Variants in LRCH1 observed in about 807,000 individuals in gnomAD.
The protein encoded by LRCH1 is leucine rich repeats and calponin homology domain containing 1.
In LRCH1, 23 loss-of-function variants were observed where a neutral mutation model predicts 94.9. The ratio of observed to expected loss-of-function variants is 0.24; its 90% CI spans 0.17 to 0.34. The LOEUF is 0.34. LRCH1 is among the 10% of genes least tolerant of loss of function. The pLI, the probability that LRCH1 is intolerant of heterozygous loss-of-function variation, is 1.00. For synonymous variants in LRCH1, 364 were observed against 354.9 expected (o/e 1.03, Z -0.29); for missense variants, 790 against 945.9 (o/e 0.84, Z 2.16).
chr13:46,685,327 A>G (rs1430223376), intron 4 of LRCH1, among the ~76,000 whole-genome samples: 1 of 152,244 alleles, frequency 6.6e-6, no homozygotes, highest in Non-Finnish European at 1.5e-5. Flanking sequence ...GTGGAGCTAC[A>G]GAAGACTTTT....
At chr13:46,578,172 C>A (rs751013434) in intron 1 of LRCH1, among the ~76,000 whole-genome samples, 2 of 152,176 alleles carry the variant, frequency 1.3e-5, no homozygotes, top group African/African-American at 4.8e-5. Context: ...CTCCTGGCTG[C>A]GGTTAGCTTT....
chr13:46,597,403 C>T (rs2137974438), intron 1 of LRCH1, among the ~76,000 whole-genome samples: 1 of 152,002 alleles, frequency 6.6e-6, no homozygotes, highest in East Asian at 1.9e-4. Context: ...GTCGCCCAGG[C>T]TGGAGTGCAG....
intron 1 of LRCH1, among the ~76,000 whole-genome samples, chr13:46,602,966 A>ACACG (rs2050644939): frequency 4.0e-5 from 2 of 49,434 alleles, no homozygotes; most frequent in Admixed American, 2.6e-4. Flanking sequence ...ATACATGCAT[A>ACACG]CATACATGCA....
At chr13:46,677,234 A>C (rs1202427143) in intron 3 of LRCH1, among the ~76,000 whole-genome samples, 1 of 140,538 alleles carries the variant, frequency 7.1e-6, no homozygotes, top group Non-Finnish European at 1.5e-5. Flanking sequence ...ACATGGTGAA[A>C]CCTCGTCTCT....
intron 1 of LRCH1, among the ~76,000 whole-genome samples, chr13:46,572,166 C>A (rs1271774771): frequency 6.6e-6 from 1 of 152,338 alleles, no homozygotes; most frequent in South Asian, 2.1e-4. Context: ...CCTACTTGTA[C>A]CCCCACTGCA....
At chr13:46,707,191 A>G (rs1252649351) in intron 13 of LRCH1, among the ~76,000 whole-genome samples, 1 of 152,130 alleles carries the variant, frequency 6.6e-6, no homozygotes, top group East Asian at 1.9e-4. Context: ...ACCTTCTTTT[A>G]TCTGGAACAT....
chr13:46,630,788 T>C (rs540405972), intron 1 of LRCH1, among the ~76,000 whole-genome samples: 68 of 152,356 alleles, frequency 4.5e-4, no homozygotes, highest in Non-Finnish European at 8.1e-4. Context: ...AAAACACCAA[T>C]TAACTGAATG....
chr13:46,615,825 A>G (rs2138012473), intron 1 of LRCH1, among the ~76,000 whole-genome samples: 1 of 152,350 alleles, frequency 6.6e-6, no homozygotes, highest in Non-Finnish European at 1.5e-5. Context: ...ATGAGTTATC[A>G]TTATGAATAG....
chr13:46,705,680 C>A, intron 13 of LRCH1: 1 of 363,900 alleles, frequency 2.7e-6, no homozygotes, highest in Non-Finnish European at 5.2e-6. Flanking sequence ...TGGGAATTGG[C>A]CAGATGGAAA....
intron 1 of LRCH1, among the ~76,000 whole-genome samples, chr13:46,591,102 G>C (rs1394045857): frequency 6.6e-6 from 1 of 151,976 alleles, no homozygotes; most frequent in Non-Finnish European, 1.5e-5. Context: ...ATTCAGATTG[G>C]CCCTATGGAC....
At chr13:46,687,104 G>A (rs549333357) in intron 5 of LRCH1, among the ~76,000 whole-genome samples, 136 of 151,758 alleles carry the variant, frequency 9.0e-4, no homozygotes, top group African/African-American at 2.7e-3. Context: ...GACTACAGGC[G>A]CCTGCCACCA....
intron 13 of LRCH1, among the ~76,000 whole-genome samples, chr13:46,710,483 T>C (rs1208911525): frequency 2.0e-5 from 3 of 152,180 alleles, no homozygotes; most frequent in Non-Finnish European, 2.9e-5. Context: ...CTGGCATCCA[T>C]GCAGGAAGAA....
chr13:46,595,352 T>C (rs144803806), intron 1 of LRCH1, among the ~76,000 whole-genome samples: 1 of 152,348 alleles, frequency 6.6e-6, no homozygotes, highest in East Asian at 1.9e-4. Flanking sequence ...TCCTCACCGC[T>C]GATGTGGCAG....
At chr13:46,585,348 C>A (rs565694385) in intron 1 of LRCH1, among the ~76,000 whole-genome samples, 1 of 152,004 alleles carries the variant, frequency 6.6e-6, no homozygotes. Flanking sequence ...GAGGCCGAGG[C>A]AGGCGGATCA....
chr13:46,587,089 A>G (rs2050443654), intron 1 of LRCH1, among the ~76,000 whole-genome samples: 1 of 152,234 alleles, frequency 6.6e-6, no homozygotes, highest in South Asian at 2.1e-4. Flanking sequence ...GACTTAATAA[A>G]TCTGGACCTT....
chr13:46,748,089 T>C (rs1356206989), downstream of LRCH1, among the ~76,000 whole-genome samples: 15 of 152,208 alleles, frequency 9.9e-5, no homozygotes, highest in Admixed American at 8.5e-4. Flanking sequence ...GTGTTACTTA[T>C]CTTCTTATTA....
intron 1 of LRCH1, among the ~76,000 whole-genome samples, chr13:46,580,527 C>T (rs964467577): frequency 1.2e-4 from 19 of 152,334 alleles, no homozygotes; most frequent in African/African-American, 3.6e-4. Context: ...ACAGTCTTAA[C>T]GTGGGAATTG....
intron 19 of LRCH1, among the ~76,000 whole-genome samples, chr13:46,737,314 G>A (rs913006241): frequency 6.6e-6 from 1 of 152,098 alleles, no homozygotes; most frequent in Non-Finnish European, 1.5e-5. Context: ...TACTCAAGCT[G>A]GTCTCGAACT....
At chr13:46,736,110 A>G (rs113510082) in intron 19 of LRCH1, among the ~76,000 whole-genome samples, 4,435 of 90,112 alleles carry the variant, frequency 0.049, 154 homozygotes, top group Admixed American at 0.14. Context: ...GTGATTTTCA[A>G]ATTTGCTCTG....
Sources: gnomAD v4.1 joint callset for allele counts (sites outside exome capture counted in the v4.1 genomes callset) on GRCh38, gnomAD v4.1.1 for gene constraint, MANE v1.5 for transcripts, NCBI Gene and HGNC (gene_info 2026-07-23, HGNC 2026-07-21) for gene names.